DYNC2I1: variants seen among roughly 807,000 people sequenced by gnomAD.
DYNC2I1 encodes cytoplasmic dynein 2 intermediate chain 1.
A neutral mutation model predicts 133.4 loss-of-function variants in DYNC2I1; 89 were observed. That is an observed-to-expected ratio of 0.67 (90% CI 0.56 to 0.80). DYNC2I1 has a LOEUF of 0.80. Ranked by LOEUF, DYNC2I1 falls within the 30% of genes least tolerant of loss-of-function variation. DYNC2I1 has a pLI of 0.00. For missense variants in DYNC2I1, 1,291 were observed against 1,314.5 expected, an observed-to-expected ratio of 0.98 and a Z score of 0.28; for synonymous variants, 504 against 484.3, an observed-to-expected ratio of 1.04 and a Z score of -0.54.
chr7:158,913,504 A>G (rs1217346776), intron 13 of DYNC2I1, among the ~76,000 whole-genome samples: 3 of 152,178 alleles, frequency 2.0e-5, no homozygotes, highest in Non-Finnish European at 4.4e-5. Context: ...TGTTCCATCA[A>G]TTTATATCGA....
chr7:158,875,788 G>A (rs1843300266), intron 3 of DYNC2I1, among the ~76,000 whole-genome samples: 1 of 152,176 alleles, frequency 6.6e-6, no homozygotes, highest in African/African-American at 2.4e-5. Flanking sequence ...AGTGCATCCA[G>A]GAGGGCAGGC....
At chr7:158,932,226 G>C (rs191492846) in intron 21 of DYNC2I1, among the ~76,000 whole-genome samples, 1 of 152,324 alleles carries the variant, frequency 6.6e-6, no homozygotes, top group East Asian at 1.9e-4. Flanking sequence ...TGCAGAGGAC[G>C]AAGTGTGCTG....
upstream of DYNC2I1, among the ~76,000 whole-genome samples, chr7:158,854,984 G>T (rs1164402017): frequency 6.6e-6 from 1 of 152,244 alleles, no homozygotes; most frequent in Admixed American, 6.5e-5. Context: ...GCTGGCAGGA[G>T]CCTTGCAGCC....
intron 24 of DYNC2I1, among the ~76,000 whole-genome samples, chr7:158,942,408 A>T (rs1038526492): frequency 1.3e-5 from 2 of 152,246 alleles, no homozygotes; most frequent in Non-Finnish European, 2.9e-5. Context: ...CGTGCGGTGC[A>T]ATCACGGGCC....
intron 20 of DYNC2I1, among the ~76,000 whole-genome samples, chr7:158,929,148 G>C (rs1299935459): frequency 6.6e-6 from 1 of 152,184 alleles, no homozygotes; most frequent in Non-Finnish European, 1.5e-5. Context: ...TTGCCTTTAG[G>C]AAGGGAGGAC....
chr7:158,924,103 A>C (rs1849375425), intron 17 of DYNC2I1, among the ~76,000 whole-genome samples: 1 of 152,230 alleles, frequency 6.6e-6, no homozygotes, highest in African/African-American at 2.4e-5. Context: ...GAACCAGCAC[A>C]ATTGGGCCTC....
intron 6 of DYNC2I1, among the ~76,000 whole-genome samples, chr7:158,885,769 G>T (rs1844538260): frequency 6.6e-6 from 1 of 152,170 alleles, no homozygotes; most frequent in Non-Finnish European, 1.5e-5. Context: ...TTTGGGCAAA[G>T]CTAACACTTA....
Position 158,904,750 on chromosome 7 carries a change from G to A in DYNC2I1, c.1358-1239G>A, listed in dbSNP as rs544949126. 6 of 161,744 alleles carry A rather than the reference G, an allele frequency of 3.7e-5. No individual in the cohort carries two copies. In the South Asian group the frequency reaches 6.8e-4, roughly 18 times the overall value. The allele number at this position is 161,744 out of a possible 1,614,324, so 10.0% of individuals were successfully genotyped here. A position where few individuals can be genotyped will look rare whatever the true frequency, so the allele number is the denominator to read the frequency against. ...AGCAATAAGGGAACTGAGATGCAGA[G>A]ATGAGGTAACCTCCCATGGTCATGA... On this transcript the variant is annotated intron_variant, in intron 10 of 24. Coordinates refer to ENST00000407559, the MANE Select transcript of DYNC2I1 (RefSeq NM_018051.5).
At chr7:158,946,379 G>C (rs1417871795), downstream of DYNC2I1, among the ~76,000 whole-genome samples, 2 of 152,248 alleles carry the variant, frequency 1.3e-5, no homozygotes, top group African/African-American at 4.8e-5. Context: ...TCATGCTGCT[G>C]TTAACAAAAT....
At chr7:158,924,402 C>G (rs555095344) in intron 17 of DYNC2I1, among the ~76,000 whole-genome samples, 2 of 152,164 alleles carry the variant, frequency 1.3e-5, no homozygotes, top group Admixed American at 6.5e-5. Context: ...AGGTGCAGGC[C>G]GAGGTCATCA....
chr7:158,888,424 A>G (rs768802678), intron 7 of DYNC2I1, among the ~76,000 whole-genome samples: 9 of 152,040 alleles, frequency 5.9e-5, no homozygotes, highest in African/African-American at 9.7e-5. Flanking sequence ...TCTGAAACCC[A>G]TGATTCTGAG....
rs1298056779 is a variant in DYNC2I1, at chr7:158,945,776, G to A, written c.3198G>A (p.Lys1066=). ...EALWPEGKLH[K] ...TGTGGCCAGAGGGAAAACTGCACAA[G>A]TAGCGGGTGTGGCTGAGAGGACCGC... Residue 1066 remains lysine, a synonymous_variant, in exon 25 of 25, where the codon AAG becomes AAA. Coordinates refer to ENST00000407559, the MANE Select transcript of DYNC2I1 (RefSeq NM_018051.5). The surrounding 1 kb of genome is among the most constrained non-coding windows in gnomAD (Gnocchi z 4.1). The A allele has an allele frequency of 1.3e-6, 2 of 1,551,934 alleles. No homozygotes were observed.
intron 5 of DYNC2I1, among the ~76,000 whole-genome samples, chr7:158,883,843 T>A (rs1844317372): frequency 6.7e-6 from 1 of 148,204 alleles, no homozygotes; most frequent in African/African-American, 2.5e-5. Flanking sequence ...TTTTTGTATT[T>A]TTAGTAGAGA....
chr7:158,956,965 C>A (rs1055043925), downstream of DYNC2I1, among the ~76,000 whole-genome samples: 5 of 152,098 alleles, frequency 3.3e-5, no homozygotes, highest in Non-Finnish European at 7.4e-5. Context: ...TCCACACTCA[C>A]CCGGCATCGG....
chr7:158,848,936 T>C, the DYNC2I1 span, among the ~76,000 whole-genome samples: 1 of 148,400 alleles, frequency 6.7e-6, no homozygotes, highest in Non-Finnish European at 1.5e-5. Flanking sequence ...AAAAAAAAAA[T>C]TGGGTGGACC....
chr7:158,905,140 C>CTTTTTTTTTTTTTTTT lies in DYNC2I1; in HGVS notation c.1358-846_1358-831dup, dbSNP rs77389434. The CTTTTTTTTTTTTTTTT allele has an allele frequency of 3.2e-3, 1,089 of 338,016 alleles. 38 individuals are homozygous for CTTTTTTTTTTTTTTTT. The highest frequency in any genetic ancestry group is 5.0e-3 in the South Asian group (221 of 44,240). 20.9% of individuals were successfully genotyped at this position (338,016 alleles called of 1,614,324 possible). On this transcript the variant is annotated intron_variant, in intron 10 of 24. Coordinates refer to ENST00000407559, the MANE Select transcript of DYNC2I1 (RefSeq NM_018051.5). Reference sequence around the variant, plus strand: ...GTTGTTTGTTCTTGTCTTTCTTTTTCTTTTTTTTTTTTTTTTTTGAGACAG... The same window carrying CTTTTTTTTTTTTTTTT: ...GTTGTTTGTTCTTGTCTTTCTTTTTCTTTTTTTTTTTTTTTTTTTTTTTTTTTTTTTTTTGAGACAG...
chr7:158,878,514 T>A (rs4391371), intron 4 of DYNC2I1, among the ~76,000 whole-genome samples: 25,104 of 48,280 alleles, frequency 0.52, 6,972 homozygotes, highest in East Asian at 0.73. Context: ...CGACTGTGAG[T>A]GCCGGGCGCC....
At chr7:158,920,698 T>A (rs1848983708) in intron 15 of DYNC2I1, among the ~76,000 whole-genome samples, 1 of 152,220 alleles carries the variant, frequency 6.6e-6, no homozygotes, top group African/African-American at 2.4e-5. Flanking sequence ...TTGCTTAGTT[T>A]TGTGTTCTGG....
intron 6 of DYNC2I1, 39 bp downstream of exon 6, chr7:158,884,658 C>T (rs1010000006): frequency 6.2e-7 from 1 of 1,604,688 alleles, no homozygotes; most frequent in Non-Finnish European, 8.5e-7. Flanking sequence ...TTTACGTGTG[C>T]CGCTCTCATG....
Sources: gnomAD v4.1 joint callset for allele counts (sites outside exome capture counted in the v4.1 genomes callset) on GRCh38, gnomAD v4.1.1 for gene constraint, Gnocchi (gnomAD v3.1) non-coding constraint, MANE v1.5 for transcripts, NCBI Gene and HGNC (gene_info 2026-07-23, HGNC 2026-07-21) for gene names.